Variants in CGNL1 observed in about 807,000 individuals in gnomAD.
CGNL1 encodes cingulin like 1.
In CGNL1, 132 loss-of-function variants were observed where a neutral mutation model predicts 141.2. The observed-to-expected ratio is 0.93, with a 90% CI of 0.81 to 1.08. The LOEUF (loss-of-function observed/expected upper bound fraction) is 1.08, where lower values mean the gene tolerates loss of function less well. Among genes scored for constraint, CGNL1 ranks in the 50% least tolerant of loss-of-function variants. The pLI is 0.00. For missense variants in CGNL1, 1,870 were observed against 1,588.6 expected (o/e 1.18, Z -3.01); for synonymous variants, 690 against 622.1 (o/e 1.11, Z -1.63).
At chr15:57,509,712 G>A (rs1413054794) in intron 8 of CGNL1, among the ~76,000 whole-genome samples, 1 of 152,212 alleles carries the variant, frequency 6.6e-6, no homozygotes, top group Non-Finnish European at 1.5e-5. Context: ...TGGCTTGATG[G>A]CAAAGAGTGG....
intron 1 of CGNL1, among the ~76,000 whole-genome samples, chr15:57,408,629 C>G (rs992217202): frequency 1.3e-5 from 2 of 152,106 alleles, no homozygotes; most frequent in African/African-American, 4.8e-5. Flanking sequence ...ACCTTGGCCT[C>G]CTGAGCAGCT....
At chr15:57,455,600 A>G (rs1215923278) in intron 7 of CGNL1, among the ~76,000 whole-genome samples, 6 of 152,172 alleles carry the variant, frequency 3.9e-5, no homozygotes, top group African/African-American at 1.4e-4. Flanking sequence ...TTCTTTCCGC[A>G]TTTCACATCT....
intron 1 of CGNL1, among the ~76,000 whole-genome samples, chr15:57,393,464 C>T (rs566688470): frequency 1.3e-5 from 2 of 152,238 alleles, no homozygotes; most frequent in East Asian, 3.9e-4. Flanking sequence ...GGAATGATTC[C>T]AGTGTGCTTT....
intron 8 of CGNL1, among the ~76,000 whole-genome samples, chr15:57,486,124 T>C (rs1305261872): frequency 6.6e-6 from 1 of 152,156 alleles, no homozygotes; most frequent in Admixed American, 6.5e-5. Flanking sequence ...TGGAATCAGC[T>C]GCCTTACTGG....
chr15:57,432,497 T>TA (rs2063056864), intron 1 of CGNL1, among the ~76,000 whole-genome samples: 1 of 152,262 alleles, frequency 6.6e-6, no homozygotes, highest in East Asian at 1.9e-4. Context: ...AGTCTTTTCA[T>TA]AAAGTATTAT....
intron 1 of CGNL1, among the ~76,000 whole-genome samples, chr15:57,429,804 T>C (rs2063022374): frequency 6.6e-6 from 1 of 152,220 alleles, no homozygotes. Flanking sequence ...TTGAAATCTT[T>C]CTCAGATCCC....
At chr15:57,466,482 A>T (rs1225243513) in intron 8 of CGNL1, among the ~76,000 whole-genome samples, 3 of 152,178 alleles carry the variant, frequency 2.0e-5, no homozygotes, top group Non-Finnish European at 4.4e-5. Flanking sequence ...GTTCAGCTCA[A>T]ATTCCAGCTC....
At chr15:57,450,528 C>T (rs112650387) in intron 4 of CGNL1, among the ~76,000 whole-genome samples, 18 of 152,302 alleles carry the variant, frequency 1.2e-4, no homozygotes, top group Non-Finnish European at 1.9e-4. Context: ...CGTTCTGCCT[C>T]GGCCTCCCAA....
chr15:57,393,875 T>G (rs1219414560), intron 1 of CGNL1: 1 of 151,968 alleles, frequency 6.6e-6, no homozygotes, highest in East Asian at 1.9e-4. Flanking sequence ...ATACTAACAC[T>G]TCTATGTCAC....
intron 8 of CGNL1, among the ~76,000 whole-genome samples, chr15:57,509,647 C>G (rs1289895288): frequency 6.6e-6 from 1 of 152,108 alleles, no homozygotes. Flanking sequence ...GGGTGTTAAC[C>G]CATGAACATG....
chr15:57,487,686 T>G (rs113530686), intron 8 of CGNL1, among the ~76,000 whole-genome samples: 1 of 152,246 alleles, frequency 6.6e-6, no homozygotes, highest in African/African-American at 2.4e-5. Context: ...CTTTGTAGAT[T>G]GTGCTGTTAT....
chr15:57,518,475 A>G lies in CGNL1; in HGVS notation c.2693A>G (p.Glu898Gly). The G allele has an allele frequency of 6.2e-7, 1 of 1,611,226 alleles. No homozygotes were observed. Among genetic ancestry groups the G allele is most frequent in the South Asian group, 1.1e-5 (1 of 90,356 alleles). ...KEAVSARRAL[E>G]NELEAAQGNL... ...GCTGTGTCAGCCAGAAGGGCCCTGG[A>G]GAATGAACTGGAGGCTGCTCAGGTA... is the stretch of plus-strand genomic sequence containing the variant. The change falls in exon 10 of 19, where the codon GAG becomes GGG. Residue 898 changes from glutamate to glycine, a missense_variant. Physicochemically the swap from Glu to Gly is moderately conservative, Grantham distance 98 (BLOSUM62 -2). Transcript: ENST00000281282.
intron 8 of CGNL1, among the ~76,000 whole-genome samples, chr15:57,480,879 C>T (rs1329627808): frequency 6.6e-6 from 1 of 152,096 alleles, no homozygotes; most frequent in East Asian, 1.9e-4. Context: ...TGGTTTAGGC[C>T]ATCCCCCTTC....
chr15:57,451,425 T>C, intron 4 of CGNL1, 75 bp from the exon 5 acceptor site: 1 of 1,057,820 alleles, frequency 9.5e-7, no homozygotes, highest in Non-Finnish European at 1.4e-6. Flanking sequence ...GCACTGATTA[T>C]ATTTGGAGGG....
At chr15:57,460,687 C>T (rs796745082) in intron 7 of CGNL1, among the ~76,000 whole-genome samples, 7 of 152,264 alleles carry the variant, frequency 4.6e-5, no homozygotes, top group African/African-American at 1.7e-4. Flanking sequence ...TGAGAACTCA[C>T]TATCACAAGA....
At chr15:57,532,233 G>A (rs1455253338) in intron 14 of CGNL1, among the ~76,000 whole-genome samples, 2 of 152,174 alleles carry the variant, frequency 1.3e-5, no homozygotes, top group Non-Finnish European at 2.9e-5. Flanking sequence ...TAAATGAAGG[G>A]CTGAGACTAG....
chr15:57,539,330 C>G (rs1206838982), intron 14 of CGNL1, among the ~76,000 whole-genome samples: 1 of 152,104 alleles, frequency 6.6e-6, no homozygotes, highest in Non-Finnish European at 1.5e-5. Context: ...GATCCTCTTC[C>G]TCTCCCCACC....
intron 8 of CGNL1, among the ~76,000 whole-genome samples, chr15:57,513,574 G>T (rs558977959): frequency 3.9e-5 from 6 of 152,144 alleles, no homozygotes; most frequent in African/African-American, 1.4e-4. Context: ...AGCCTGGAGT[G>T]CAATGGTGTG....
At chr15:57,413,467 G>C (rs1321752772) in intron 1 of CGNL1, among the ~76,000 whole-genome samples, 1 of 152,068 alleles carries the variant, frequency 6.6e-6, no homozygotes, top group Non-Finnish European at 1.5e-5. Context: ...TGGGGGTTTT[G>C]CCCAGGGGTT....
Sources: gnomAD v4.1 joint callset for allele counts (sites outside exome capture counted in the v4.1 genomes callset) on GRCh38, gnomAD v4.1.1 for gene constraint, MANE v1.5 for transcripts, NCBI Gene and HGNC (gene_info 2026-07-23, HGNC 2026-07-21) for gene names.